Variants in SCEL observed in about 807,000 individuals in gnomAD.
The protein encoded by SCEL is sciellin.
A neutral mutation model predicts 117.6 loss-of-function variants in SCEL; 113 were observed. The observed-to-expected ratio is 0.96, with a 90% confidence interval of 0.83 to 1.12. The LOEUF is 1.12. Among genes scored for constraint, SCEL ranks in the 50% most tolerant of loss-of-function variants. The probability of loss-of-function intolerance (pLI) is 0.00; values close to 1 mark genes in which losing one functional copy is unlikely to be tolerated. For synonymous variants in SCEL, 270 were observed against 256.2 expected (o/e 1.05, Z -0.51); for missense variants, 785 against 810.8 (o/e 0.97, Z 0.39).
intron 1 of SCEL, among the ~76,000 whole-genome samples, chr13:77,550,258 C>T (rs2084231519): frequency 6.6e-6 from 1 of 151,666 alleles, no homozygotes; most frequent in African/African-American, 2.4e-5. Context: ...TGGTGGCACA[C>T]ACCTGTAGTC....
chr13:77,613,674 C>G (rs939061897), intron 23 of SCEL, among the ~76,000 whole-genome samples: 3 of 151,072 alleles, frequency 2.0e-5, no homozygotes, highest in African/African-American at 7.3e-5. Flanking sequence ...AATGCAATAT[C>G]TTTGTTTATA....
chr13:77,559,155 A>G (rs939397931), intron 3 of SCEL, among the ~76,000 whole-genome samples: 1 of 152,208 alleles, frequency 6.6e-6, no homozygotes, highest in Non-Finnish European at 1.5e-5. Flanking sequence ...TTGTGGTCTT[A>G]GGAAAGCCAC....
At chr13:77,577,906 C>T (rs1431710524) in intron 9 of SCEL, among the ~76,000 whole-genome samples, 2 of 152,218 alleles carry the variant, frequency 1.3e-5, no homozygotes, top group Non-Finnish European at 2.9e-5. Flanking sequence ...TCTCCAGCCC[C>T]CCAGTTCCTG....
chr13:77,634,848 G>T (rs1419022970), intron 29 of SCEL, among the ~76,000 whole-genome samples: 2 of 152,114 alleles, frequency 1.3e-5, no homozygotes, highest in Admixed American at 6.6e-5. Flanking sequence ...AAAATAAGGG[G>T]TATAAATTTG....
chr13:77,556,558 C>T (rs1250312840), intron 2 of SCEL, 38 bp from the exon 3 acceptor site: 2 of 1,552,136 alleles, frequency 1.3e-6, no homozygotes, highest in African/African-American at 1.4e-5. Context: ...CAACTCCACA[C>T]TATTACATCT....
In SCEL at chr13:77,617,591, A is replaced by G. The variant is rs1169503848; in HGVS notation, c.1452-8A>G. 1 of 1,558,822 alleles carries G rather than the reference A, an allele frequency of 6.4e-7. No individual in the cohort carries two copies. The highest frequency in any genetic ancestry group is 1.8e-5 in the Admixed American group (1 of 54,692). ...CCCAAGTTGCTTTAATATTTTTTCCACTTAAAGAAAACAAGATCTTGATAA... is the reference window on the plus strand; with the variant it reads ...CCCAAGTTGCTTTAATATTTTTTCCGCTTAAAGAAAACAAGATCTTGATAA... On this transcript the variant is annotated splice_polypyrimidine_tract_variant and splice_region_variant and intron_variant, in intron 24 of 32. Coordinates refer to ENST00000349847, the MANE Select transcript of SCEL (RefSeq NM_144777.3).
chr13:77,576,838 G>A (rs530409400), intron 9 of SCEL, among the ~76,000 whole-genome samples: 2 of 152,246 alleles, frequency 1.3e-5, no homozygotes, highest in South Asian at 4.2e-4. Flanking sequence ...AGTTCTCCTT[G>A]AAGAGGTCCT....
chr13:77,575,835 A>T (rs2085911872), intron 9 of SCEL, among the ~76,000 whole-genome samples: 1 of 152,202 alleles, frequency 6.6e-6, no homozygotes, highest in African/African-American at 2.4e-5. Context: ...TTGAATTATC[A>T]AGATATGCCA....
chr13:77,604,855 A>C (rs1457218013), intron 19 of SCEL, among the ~76,000 whole-genome samples: 10 of 152,048 alleles, frequency 6.6e-5, no homozygotes, highest in Non-Finnish European at 1.3e-4. Context: ...ATTTAAGTGC[A>C]TGTGTGTATA....
chr13:77,640,663 T>A lies in SCEL; in HGVS notation c.1839-13T>A. The A allele has an allele frequency of 6.9e-7, 1 of 1,449,442 alleles. No homozygotes were observed. Among genetic ancestry groups the A allele is most frequent in the Non-Finnish European group, 9.5e-7 (1 of 1,050,976 alleles). The allele number at this position is 1,449,442 out of a possible 1,614,324, so 89.8% of individuals were successfully genotyped here. A position where few individuals can be genotyped will look rare whatever the true frequency, so the allele number is the denominator to read the frequency against. On this transcript the variant is annotated splice_polypyrimidine_tract_variant and intron_variant, in intron 30 of 32. Transcript: ENST00000349847. ...TATGGCAAATTTATTTTTAATTGCT[T>A]ACATTTCTATAGGTCTGTCATTGAA...
At chr13:77,555,421 G>C (rs542994371) in intron 1 of SCEL, among the ~76,000 whole-genome samples, 1 of 152,300 alleles carries the variant, frequency 6.6e-6, no homozygotes, top group African/African-American at 2.4e-5. Flanking sequence ...CAGCTGAGGA[G>C]CCCTTCTTTG....
At chr13:77,625,595 A>G (rs1483194169) in intron 27 of SCEL, among the ~76,000 whole-genome samples, 1 of 152,200 alleles carries the variant, frequency 6.6e-6, no homozygotes, top group Non-Finnish European at 1.5e-5. Context: ...CCTAATTTCT[A>G]CAGTTTCAAA....
rs112173958 is a variant in SCEL at position 77,548,693 on chromosome 13, C to G, written c.-19-7164C>G. ...AGGCACGGTTTTTTTCCATACTGTT[C>G]TCAAGATAGTGAATAAATCTCATGG... On this transcript the variant is annotated intron_variant, in intron 1 of 32. Coordinates refer to ENST00000349847, the MANE Select transcript of SCEL (RefSeq NM_144777.3). Among the ~76,000 whole-genome samples the G allele has an allele frequency of 5.0e-3, 756 of 152,230 alleles. 12 individuals carry two copies. Among genetic ancestry groups the G allele is most frequent in the African/African-American group, 0.017 (716 of 41,530 alleles).
At position 77,569,435 on chromosome 13, in the gene SCEL, C is replaced by A. The variant is rs1439315029; in HGVS notation, c.463C>A (p.Pro155Thr). 2.5e-6 allele frequency: 4 copies of A among 1,613,222 alleles called. No individual in the cohort carries two copies. Among genetic ancestry groups the A allele is most frequent in the Non-Finnish European group, 3.4e-6 (4 of 1,179,230 alleles). ...NTIASTSATTPVKKKRQSWFP... is the reference protein window; with the variant it reads ...NTIASTSATTTVKKKRQSWFP... ...CATAGCATCCACTTCTGCTACTACT[C>A]CTGTAAAGAAGAAGAGGTAGGATGA... The change falls in exon 8 of 33, where the codon CCT (proline) becomes ACT (threonine). Residue 155 changes from proline (P) to threonine (T), a missense_variant. Physicochemically the swap from Pro to Thr is conservative, Grantham distance 38 (BLOSUM62 -1). Transcript: ENST00000349847.
intron 9 of SCEL, among the ~76,000 whole-genome samples, chr13:77,587,847 A>C (rs545944812): frequency 2.0e-4 from 30 of 152,096 alleles, no homozygotes; most frequent in South Asian, 8.3e-4. Context: ...CTCTACTTAC[A>C]CTGACTCCCT....
chr13:77,611,984 A>G (rs144582308), intron 22 of SCEL, among the ~76,000 whole-genome samples: 1 of 152,318 alleles, frequency 6.6e-6, no homozygotes, highest in Admixed American at 6.5e-5. Flanking sequence ...AATCTTATGA[A>G]ATTACTGACA....
intron 27 of SCEL, 23 bp from the exon 28 acceptor site, chr13:77,627,924 T>G: frequency 1.0e-6 from 1 of 966,842 alleles, no homozygotes; most frequent in Non-Finnish European, 1.5e-6. Context: ...TAATTATTCA[T>G]ATATATATAT....
chr13:77,613,620 G>A (rs1216947569), intron 23 of SCEL, among the ~76,000 whole-genome samples: 1 of 151,936 alleles, frequency 6.6e-6, no homozygotes, highest in African/African-American at 2.4e-5. Flanking sequence ...TTCACCCTCA[G>A]TCACTTAGGT....
chr13:77,595,595 C>A (rs538199455), intron 12 of SCEL, among the ~76,000 whole-genome samples: 1 of 151,932 alleles, frequency 6.6e-6, no homozygotes, highest in Non-Finnish European at 1.5e-5. Context: ...GTCAGGAAAG[C>A]CTGGGGCTAA....
Sources: allele counts gnomAD v4.1 joint callset (sites outside exome capture counted in the v4.1 genomes callset), GRCh38; gene constraint gnomAD v4.1.1; transcripts MANE v1.5; gene names NCBI Gene and HGNC (gene_info 2026-07-23, HGNC 2026-07-21).